MPP7: variants seen among roughly 807,000 people sequenced by gnomAD.
MPP7 encodes MAGUK p55 subfamily member 7.
A neutral mutation model predicts 76.5 loss-of-function variants in MPP7; 60 were observed. The observed-to-expected ratio is 0.78, with a 90% CI of 0.64 to 0.97. The LOEUF is 0.97. Ranked by LOEUF, MPP7 falls within the 50% of genes least tolerant of loss-of-function variation. The pLI is 0.00. For synonymous variants in MPP7, 237 were observed against 244.5 expected (o/e 0.97, Z 0.29); for missense variants, 641 against 694.0 (o/e 0.92, Z 0.86).
intron 11 of MPP7, among the ~76,000 whole-genome samples, chr10:28,101,607 A>T (rs1355072722): frequency 1.3e-5 from 2 of 152,152 alleles, no homozygotes; most frequent in African/African-American, 2.4e-5. Flanking sequence ...ACTCCAGAGC[A>T]AGGGAAAAGT....
At chr10:28,287,963 T>G (rs1421538970) in intron 1 of MPP7, among the ~76,000 whole-genome samples, 1 of 152,128 alleles carries the variant, frequency 6.6e-6, no homozygotes, top group African/African-American at 2.4e-5. Context: ...AAAGGGAATA[T>G]CCACAATTAT....
At chr10:28,317,864 G>A (rs1018217643) in intron 2 of MPP7, among the ~76,000 whole-genome samples, 11 of 152,146 alleles carry the variant, frequency 7.2e-5, no homozygotes, top group Non-Finnish European at 1.3e-4. Flanking sequence ...TCCATTTGTT[G>A]GAAAATTCTT....
chr10:28,332,979 G>A (rs1477533568), intron 1 of MPP7, among the ~76,000 whole-genome samples: 1 of 151,852 alleles, frequency 6.6e-6, no homozygotes, highest in Admixed American at 6.6e-5. Flanking sequence ...GCTTTGTACA[G>A]AGGAAACCAT....
At chr10:28,287,640 T>C (rs1840819291) in intron 1 of MPP7, among the ~76,000 whole-genome samples, 1 of 152,210 alleles carries the variant, frequency 6.6e-6, no homozygotes, top group Admixed American at 6.5e-5. Flanking sequence ...ACAAATTCTA[T>C]ACATTGATTA....
intron 2 of MPP7, among the ~76,000 whole-genome samples, chr10:28,318,359 A>G (rs1834339986): frequency 6.6e-6 from 1 of 152,166 alleles, no homozygotes; most frequent in South Asian, 2.1e-4. Flanking sequence ...TTCTCTGTGT[A>G]ACATAACACA....
chr10:28,078,980 G>A (rs1405467713), intron 12 of MPP7, among the ~76,000 whole-genome samples: 1 of 151,990 alleles, frequency 6.6e-6, no homozygotes, highest in Non-Finnish European at 1.5e-5. Flanking sequence ...ATCTTAAAAA[G>A]GTTAAAAATC....
chr10:28,083,873 C>A (rs1852881403), intron 12 of MPP7, among the ~76,000 whole-genome samples: 1 of 152,210 alleles, frequency 6.6e-6, no homozygotes, highest in Non-Finnish European at 1.5e-5. Context: ...ACAGGAAATA[C>A]AATTCGCCTG....
chr10:28,276,184 C>G (rs917662447), intron 1 of MPP7, among the ~76,000 whole-genome samples: 1 of 151,884 alleles, frequency 6.6e-6, no homozygotes, highest in African/African-American at 2.4e-5. Context: ...GCGCCCACCA[C>G]CACACCCAGC....
At chr10:28,121,271 T>C (rs1439757443) in intron 8 of MPP7, among the ~76,000 whole-genome samples, 1 of 151,990 alleles carries the variant, frequency 6.6e-6, no homozygotes, top group African/African-American at 2.4e-5. Flanking sequence ...AGAAGCTTTT[T>C]TTTTTTTTTT....
At chr10:28,167,203 C>T (rs779103843) in intron 3 of MPP7, among the ~76,000 whole-genome samples, 2 of 152,048 alleles carry the variant, frequency 1.3e-5, no homozygotes, top group East Asian at 1.9e-4. Context: ...CCCAGCTACT[C>T]GGGAGGCTGA....
In MPP7 at chr10:28,122,206, G is replaced by GT. The variant is rs534991771; in HGVS notation, c.616-1539dup. Among the ~76,000 whole-genome samples the GT allele has an allele frequency of 9.9e-5, 15 of 150,770 alleles. 1 individual carries two copies. Among genetic ancestry groups the GT allele is most frequent in the Admixed American group, 5.3e-4 (8 of 15,120 alleles). On this transcript the variant is annotated intron_variant, in intron 8 of 16. Coordinates refer to ENST00000683449, the MANE Select transcript of MPP7 (RefSeq NM_001318170.2). ...TTATTTTTCTAGTTTGTGTCTGTGT[G>GT]TTTTTTTTTAAATGGATCTATGGTC...
At chr10:28,253,724 G>A (rs965717422) in intron 1 of MPP7, among the ~76,000 whole-genome samples, 10 of 151,808 alleles carry the variant, frequency 6.6e-5, no homozygotes, top group East Asian at 5.8e-4. Context: ...GGCCAGGCAC[G>A]GTGGCTCATG....
At chr10:28,099,607 C>T (rs1319249682) in intron 11 of MPP7, among the ~76,000 whole-genome samples, 2 of 152,232 alleles carry the variant, frequency 1.3e-5, no homozygotes, top group Non-Finnish European at 1.5e-5. Flanking sequence ...GAGTTCGAGG[C>T]TAGCCTGACC....
At chr10:28,119,238 G>A (rs1330463794) in intron 11 of MPP7, among the ~76,000 whole-genome samples, 1 of 152,098 alleles carries the variant, frequency 6.6e-6, no homozygotes, top group African/African-American at 2.4e-5. Flanking sequence ...AGAACAATTG[G>A]TCTTGAGCAC....
intron 2 of MPP7, among the ~76,000 whole-genome samples, chr10:28,206,707 G>A (rs773189839): frequency 6.6e-6 from 1 of 152,076 alleles, no homozygotes; most frequent in Non-Finnish European, 1.5e-5. Flanking sequence ...TGTTTGAGAT[G>A]GAGCATATTT....
At position 28,236,085 on chromosome 10, in the gene MPP7, T is replaced by C. The variant is rs559760883; in HGVS notation, c.37+2483A>G. 7.1e-4 allele frequency among the ~76,000 whole-genome samples: 108 copies of C among 152,282 alleles called. 1 individual carries two copies. The highest frequency in any genetic ancestry group is 2.4e-3 in the African/African-American group (100 of 41,562). On this transcript the variant is annotated intron_variant, in intron 2 of 16. Transcript: ENST00000683449. ...AACAGATCGGTAAAAATTACAAGGA[T>C]TGACAATATTTAATATTGCCAAGAA...
At chr10:28,191,339 AAGG>A (rs1475360651) in intron 3 of MPP7, among the ~76,000 whole-genome samples, 3 of 152,326 alleles carry the variant, frequency 2.0e-5, no homozygotes, top group East Asian at 1.9e-4. Context: ...CATGACAAGG[AAGG>A]AGAATTACAG....
chr10:28,074,284 C>CTT (rs1002948193), intron 12 of MPP7, among the ~76,000 whole-genome samples: 3 of 145,026 alleles, frequency 2.1e-5, no homozygotes, highest in African/African-American at 7.6e-5. Context: ...CTAGAGCAAC[C>CTT]TTTTTTTTTT....
chr10:28,204,946 A>G (rs1469515581), intron 2 of MPP7, among the ~76,000 whole-genome samples: 1 of 152,252 alleles, frequency 6.6e-6, no homozygotes, highest in Non-Finnish European at 1.5e-5. Flanking sequence ...TACTGCTTAC[A>G]TTTTGTGGGA....
Sources: allele counts gnomAD v4.1 joint callset (sites outside exome capture counted in the v4.1 genomes callset), GRCh38; gene constraint gnomAD v4.1.1; transcripts MANE v1.5; gene names NCBI Gene and HGNC (gene_info 2026-07-23, HGNC 2026-07-21).